Variants in CORO7 observed in about 807,000 individuals in gnomAD.
CORO7 encodes coronin-7.
In CORO7, 107 loss-of-function variants were observed where a neutral mutation model predicts 126.6. That is an observed-to-expected ratio of 0.85 (90% CI 0.72 to 0.99). The LOEUF is 0.99. Among genes scored for constraint, CORO7 ranks in the 50% least tolerant of loss-of-function variants. The pLI is 0.00. For synonymous variants in CORO7, 603 were observed against 536.8 expected, an observed-to-expected ratio of 1.12 and a Z score of -1.70; for missense variants, 1,314 against 1,255.8, an observed-to-expected ratio of 1.05 and a Z score of -0.70.
rs376375561 is a variant in CORO7 at position 4,362,619 on chromosome 16, G to A, written c.1395C>T (p.Ser465=). Residue 465 remains serine (S), a synonymous_variant, in exon 15 of 28, where the codon AGC becomes AGT. Transcript: ENST00000251166. This position sits in a 1 kb window ranked among gnomAD's most constrained non-coding sequence, Gnocchi z 5.3. The part of the protein sequence containing the change: ...GTSPSLRSLQ[S]LLGPSSKFRH... ...CCCGTCCTGCCTCCTTACCCAGCAGGCTCTGCAGCGACCTCAAACTGGGGC... is the reference window on the plus strand; with the variant it reads ...CCCGTCCTGCCTCCTTACCCAGCAGACTCTGCAGCGACCTCAAACTGGGGC... The A allele has an allele frequency of 6.4e-7, 1 of 1,560,484 alleles. No homozygotes were observed. Among genetic ancestry groups the A allele is most frequent in the Non-Finnish European group, 8.6e-7 (1 of 1,156,228 alleles).
At chr16:4,395,470 C>T (rs977444427) in intron 6 of CORO7, 131 bp from the exon 7 acceptor site, 1 of 1,167,628 alleles carries the variant, frequency 8.6e-7, no homozygotes. Context: ...TGCCATCACA[C>T]ACCAGGGCAT....
At position 4,365,527 on chromosome 16, in the gene CORO7, C is replaced by T. The variant is rs1447824473; in HGVS notation, c.804G>A (p.Leu268=). 1.3e-6 allele frequency: 2 copies of T among 1,581,360 alleles called. No homozygotes were observed. The highest frequency in any genetic ancestry group is 1.2e-5 in the South Asian group (1 of 86,178). ...DTSLGCLVPL[L]DPDSGLLVLA... ...GGACCAGGAGCCCAGAGTCAGGGTC[C>T]AGCAGAGGCACGAGACACCTGGGGA... Residue 268 remains leucine, a synonymous_variant, in exon 10 of 28, where the codon CTG becomes CTA. Transcript: ENST00000251166.
chr16:4,402,828 G>A (rs1166794618), intron 6 of CORO7, among the ~76,000 whole-genome samples: 1 of 152,160 alleles, frequency 6.6e-6, no homozygotes, highest in East Asian at 1.9e-4. Context: ...TGGGCCATCC[G>A]TGAGGAGAGC....
intron 23 of CORO7, 64 bp from the exon 24 acceptor site, chr16:4,358,547 TC>T: frequency 6.8e-7 from 1 of 1,474,364 alleles, no homozygotes. Context: ...GCACGTAGTC[TC>T]CCCAGGGTGC....
intron 3 of CORO7, 81 bp from the exon 4 acceptor site, chr16:4,408,332 G>A: frequency 6.3e-7 from 1 of 1,592,694 alleles, no homozygotes; most frequent in Non-Finnish European, 8.6e-7. Flanking sequence ...CTTCCGAGGT[G>A]ACACTTTTGT....
rs757304912 is a variant in CORO7 at position 4,359,315 on chromosome 16, G to C, written c.2321C>G (p.Thr774Arg). 1 of 1,610,298 alleles carries C rather than the reference G, an allele frequency of 6.2e-7. No homozygotes were observed. Among genetic ancestry groups the C allele is most frequent in the East Asian group, 2.2e-5 (1 of 44,806 alleles). Residue 774 changes from threonine (T) to arginine (R), a missense_variant, in exon 23 of 28, where the codon ACG becomes AGG. Coordinates refer to ENST00000251166, the MANE Select transcript of CORO7 (RefSeq NM_024535.5). ...CCTCACCTTGTGGGGGTCAGGCGAC[G>C]TGAAGCTGTTGCACTCCAGGAAGAA... ...SPFFLECNSF[T>R]SPDPHKGLVL...
At chr16:4,372,207 A>G (rs1279659671) in intron 9 of CORO7, among the ~76,000 whole-genome samples, 2 of 151,994 alleles carry the variant, frequency 1.3e-5, no homozygotes, top group Admixed American at 6.5e-5. Flanking sequence ...GCGGCCGGCC[A>G]GGGTGCGCGC....
rs374013474 is a variant in CORO7 at position 4,362,210 on chromosome 16, C to T, written c.1403-50G>A. 5.1e-6 allele frequency: 8 copies of T among 1,559,414 alleles called. No homozygotes were observed. The highest frequency in any genetic ancestry group is 6.9e-6 in the Non-Finnish European group (8 of 1,152,260). Reference sequence around the variant, plus strand: ...CCACGTGTGAGGATGCCGTCCCCGCCCGCCCTGCACTCTTTGAGTCCCGGC... The same window carrying T: ...CCACGTGTGAGGATGCCGTCCCCGCTCGCCCTGCACTCTTTGAGTCCCGGC... On this transcript the variant is annotated intron_variant, in intron 15 of 27. Transcript: ENST00000251166. The surrounding 1 kb of genome is among the most constrained non-coding windows in gnomAD (Gnocchi z 5.3).
intron 6 of CORO7, among the ~76,000 whole-genome samples, chr16:4,395,633 C>T (rs1322453265): frequency 1.3e-5 from 2 of 152,162 alleles, no homozygotes; most frequent in African/African-American, 4.8e-5. Context: ...CCCAGACACT[C>T]GACCCCTCCT....
At chr16:4,399,281 A>G (rs991033741) in intron 6 of CORO7, among the ~76,000 whole-genome samples, 3 of 152,238 alleles carry the variant, frequency 2.0e-5, no homozygotes, top group Non-Finnish European at 4.4e-5. Context: ...TGGTCTGCGC[A>G]TACTATGCAG....
intron 7 of CORO7, among the ~76,000 whole-genome samples, chr16:4,393,268 G>C (rs533269452): frequency 6.6e-6 from 1 of 152,294 alleles, no homozygotes; most frequent in South Asian, 2.1e-4. Flanking sequence ...TTCAAGCTGA[G>C]CCTGGGCCCC....
At chr16:4,402,204 C>T (rs761294335) in intron 6 of CORO7, among the ~76,000 whole-genome samples, 7 of 152,016 alleles carry the variant, frequency 4.6e-5, no homozygotes, top group Non-Finnish European at 1.0e-4. Flanking sequence ...TCCCAAAGTG[C>T]TGGGATTACA....
At chr16:4,411,034 G>C (rs1567305835) in intron 3 of CORO7, among the ~76,000 whole-genome samples, 1 of 152,154 alleles carries the variant, frequency 6.6e-6, no homozygotes, top group South Asian at 2.1e-4. Context: ...GGATCTTTTG[G>C]GGATGATGGA....
chr16:4,385,424 A>G (rs2055162107), intron 9 of CORO7, among the ~76,000 whole-genome samples: 2 of 152,134 alleles, frequency 1.3e-5, no homozygotes, highest in South Asian at 2.1e-4. Flanking sequence ...GGGGTGATAC[A>G]GTTCACCCAG....
rs762231361 is a variant in CORO7 at position 4,364,770 on chromosome 16, C to T, written c.1044+5G>A. The T allele has an allele frequency of 6.2e-7, 1 of 1,609,702 alleles. No individual in the cohort carries two copies. Among genetic ancestry groups the T allele is most frequent in the Non-Finnish European group, 8.5e-7 (1 of 1,178,564 alleles). The stretch of plus-strand genomic sequence containing the variant: ...CCCGCAGTCCCTCGCCCAAGTCCCC[C>T]TCACCTTGCGGGGCACATGGTAGCC... On this transcript the variant is annotated splice_donor_5th_base_variant and intron_variant, in intron 12 of 27. Transcript: ENST00000251166.
At chr16:4,413,509 C>A in intron 1 of CORO7, 105 bp from the exon 2 acceptor site, 3 of 1,004,326 alleles carry the variant, frequency 3.0e-6, no homozygotes, top group Non-Finnish European at 4.3e-6. Flanking sequence ...TAGCTCACAG[C>A]TGCACCATTC....
Position 4,405,534 on chromosome 16 carries a change from G to A in CORO7, c.521C>T (p.Ala174Val), listed in dbSNP as rs17137007. 4.8e-4 allele frequency: 778 copies of A among 1,612,884 alleles called. 2 individuals carry two copies. In the African/African-American group the frequency reaches 8.8e-3, roughly 18 times the overall value. ...LAAHGDLVQS[A>V]VWSRDGALVG... ...CAGGGCTCCATCTCGGCTCCAGACG[G>A]CGCTCTGCACCAGGTCCCCATGGGC... The change falls in exon 6 of 28, where the codon GCC becomes GTC. Residue 174 changes from alanine to valine, a missense_variant. By Grantham distance (64) the Ala-to-Val change is moderately conservative. Coordinates refer to ENST00000251166, the MANE Select transcript of CORO7 (RefSeq NM_024535.5).
rs537953371 is a variant in CORO7 at position 4,409,058 on chromosome 16, G to A, written c.233-807C>T. 1.0e-3 allele frequency among the ~76,000 whole-genome samples: 155 copies of A among 152,298 alleles called. 1 individual carries two copies. Among genetic ancestry groups the A allele is most frequent in the Admixed American group, 3.4e-3 (52 of 15,284 alleles). On this transcript the variant is annotated intron_variant, in intron 3 of 27. Coordinates refer to ENST00000251166, the MANE Select transcript of CORO7 (RefSeq NM_024535.5). ...TGAGCCAGACCCCAGAGGGAAATGCGGTGGGTGGTTGGGGAGGTAGAGACT... is the reference window on the plus strand; with the variant it reads ...TGAGCCAGACCCCAGAGGGAAATGCAGTGGGTGGTTGGGGAGGTAGAGACT...
At position 4,362,751 on chromosome 16, in the gene CORO7, A is replaced by G. The variant is rs754039747; in HGVS notation, c.1276-13T>C. ...AAGAGAAACCCTCCTGGGGAGGGGC[A>G]TGGGGTCAGCCAGCCTGCTCCTAGG... is the stretch of plus-strand genomic sequence containing the variant. On this transcript the variant is annotated splice_polypyrimidine_tract_variant and intron_variant, in intron 14 of 27. Transcript: ENST00000251166. This position sits in a 1 kb window ranked among gnomAD's most constrained non-coding sequence, Gnocchi z 5.3. 2 of 1,383,612 alleles carry G rather than the reference A, an allele frequency of 1.4e-6. No individual in the cohort carries two copies. The highest frequency in any genetic ancestry group is 3.5e-5 in the South Asian group (2 of 56,810). 85.7% of individuals were successfully genotyped at this position (1,383,612 alleles called of 1,614,324 possible).
Sources: gnomAD v4.1 joint callset for allele counts (sites outside exome capture counted in the v4.1 genomes callset) on GRCh38, gnomAD v4.1.1 for gene constraint, Gnocchi (gnomAD v3.1) non-coding constraint, MANE v1.5 for transcripts, NCBI Gene and HGNC (gene_info 2026-07-23, HGNC 2026-07-21) for gene names.